Variants in RGL3 observed in about 807,000 individuals in gnomAD.
The protein encoded by RGL3 is ral guanine nucleotide dissociation stimulator like 3.
RGL3 carries 85 observed loss-of-function variants against 90.6 expected under a neutral mutation model. The observed-to-expected ratio is 0.94, with a 90% CI of 0.79 to 1.12. The LOEUF is 1.12. Ranked by LOEUF, RGL3 falls within the 50% of genes most tolerant of loss-of-function variation. The pLI, the probability that RGL3 is intolerant of heterozygous loss-of-function variation, is 0.00. For missense variants in RGL3, 1,034 were observed against 939.2 expected, an observed-to-expected ratio of 1.10 and a Z score of -1.32; for synonymous variants, 408 against 385.5, an observed-to-expected ratio of 1.06 and a Z score of -0.68.
chr19:11,418,184 TC>T lies in RGL3; in HGVS notation c.147+486del, dbSNP rs202101431. Among the ~76,000 whole-genome samples, 507 of 145,496 alleles carry T rather than the reference TC, an allele frequency of 3.5e-3. 6 individuals carry two copies. The highest frequency in any genetic ancestry group is 0.012 in the African/African-American group (459 of 38,972). Reference sequence around the variant, plus strand: ...CAACTTGCCCTGGAAACCCTCCCTCTCCCATGCCCTGTCCCCTACTCCCTCT... The same window carrying T: ...CAACTTGCCCTGGAAACCCTCCCTCTCCATGCCCTGTCCCCTACTCCCTCT... On this transcript the variant is annotated intron_variant, in intron 2 of 18. Transcript: ENST00000380456.
At chr19:11,414,164 T>C (rs55768661) in intron 5 of RGL3, among the ~76,000 whole-genome samples, 1,389 of 111,160 alleles carry the variant, frequency 0.012, 55 homozygotes, top group East Asian at 0.051. Context: ...TATATATATA[T>C]ATATATATAT....
At chr19:11,405,548 G>C (rs1331049282) in intron 7 of RGL3, 122 bp from the exon 8 acceptor site, 11 of 750,020 alleles carry the variant, frequency 1.5e-5, no homozygotes, top group African/African-American at 6.5e-5. Flanking sequence ...TTGAGAGATA[G>C]GGTCTGTGGC....
chr19:11,402,129 A>G lies in RGL3; in HGVS notation c.1366T>C (p.Trp456Arg), dbSNP rs984283385. 3.7e-6 allele frequency: 6 copies of G among 1,607,142 alleles called. No individual in the cohort carries two copies. In the African/African-American group the frequency reaches 8.1e-5, roughly 22 times the overall value. Residue 456 changes from tryptophan (W) to arginine (R), a missense_variant, in exon 13 of 19, where the codon TGG (tryptophan) becomes CGG (arginine). Transcript: ENST00000380456. ...TGCTGGATGCGGGCCAGGATCTCCC[A>G]CTCCTGGAGGACGAGCCTCTAAGAC... ...LINFEKRRKE[W>R]EILARIQQLQ... is the part of the protein sequence containing the mutation.
At chr19:11,402,189 C>G in intron 12 of RGL3, 26 bp downstream of exon 12, 1 of 1,611,862 alleles carries the variant, frequency 6.2e-7, no homozygotes, top group Non-Finnish European at 8.5e-7. Flanking sequence ...TCAGGCACCA[C>G]CACACCCACT....
chr19:11,412,004 G>A (rs1256558766), intron 5 of RGL3, among the ~76,000 whole-genome samples: 1 of 152,070 alleles, frequency 6.6e-6, no homozygotes, highest in Admixed American at 6.6e-5. Context: ...AAAGGGCCGG[G>A]CGCCATGGCT....
At chr19:11,394,811 C>T (rs191468510) in intron 18 of RGL3, 31 of 332,406 alleles carry the variant, frequency 9.3e-5, no homozygotes, top group Middle Eastern at 9.7e-4. Flanking sequence ...GCAAACTGGC[C>T]GGGCGCGATG....
chr19:11,404,504 G>T (rs1968734091), intron 9 of RGL3, among the ~76,000 whole-genome samples: 1 of 152,150 alleles, frequency 6.6e-6, no homozygotes, highest in African/African-American at 2.4e-5. Context: ...TCCAGTCTGG[G>T]TGACAGAGCG....
In RGL3 at chr19:11,416,952, G is replaced by A; in HGVS notation, c.255C>T (p.Asp85=). 5 of 1,614,062 alleles carry A rather than the reference G, an allele frequency of 3.1e-6. No homozygotes were observed. The highest frequency in any genetic ancestry group is 4.2e-6 in the Non-Finnish European group (5 of 1,180,006). The change falls in exon 3 of 19, where the codon GAC becomes GAT. Residue 85 remains aspartate, a synonymous_variant. Coordinates refer to ENST00000380456, the MANE Select transcript of RGL3 (RefSeq NM_001035223.4). The part of the protein sequence containing the change: ...ERLVGELVFG[D]REQDPSFMPA... ...GCATGAAGCTGGGGTCCTGCTCACG[G>A]TCTCCAAACACCAACTCTCCCACCA...
In RGL3 at chr19:11,405,222, T is replaced by C. The variant is rs567610062; in HGVS notation, c.1110A>G (p.Leu370=). 3 of 1,614,034 alleles carry C rather than the reference T, an allele frequency of 1.9e-6. No individual in the cohort carries two copies. The highest frequency in any genetic ancestry group is 1.6e-4 in the Middle Eastern group (1 of 6,062). Reference sequence around the variant, plus strand: ...TCTGCGAAAGTTTCCTGAAAGTAGATAGCGGTTCCCTGGAAGGACAGGAGA... The same window carrying C: ...TCTGCGAAAGTTTCCTGAAAGTAGACAGCGGTTCCCTGGAAGGACAGGAGA... ...RSWGAVSREP[L]STFRKLSQIF... The change falls in exon 9 of 19, where the codon CTA becomes CTG. Residue 370 remains leucine (L), a synonymous_variant. Coordinates refer to ENST00000380456, the MANE Select transcript of RGL3 (RefSeq NM_001035223.4).
chr19:11,403,640 CAA>C (rs889376839), intron 9 of RGL3, among the ~76,000 whole-genome samples: 192 of 49,376 alleles, frequency 3.9e-3, no homozygotes, highest in African/African-American at 0.013. Flanking sequence ...AACTCCATCT[CAA>C]AAAAAAAAAA....
intron 5 of RGL3, among the ~76,000 whole-genome samples, chr19:11,409,520 CAAAA>C (rs1436410350): frequency 6.6e-6 from 1 of 152,014 alleles, no homozygotes; most frequent in Non-Finnish European, 1.5e-5. Context: ...CAAACAAAAA[CAAAA>C]AGAAAAGAAA....
chr19:11,405,491 CATCTTT>C (rs1968760806), intron 7 of RGL3, 65 bp from the exon 8 acceptor site: 7 of 139,992 alleles, frequency 5.0e-5, no homozygotes, highest in Admixed American at 3.7e-4. Context: ...GAAACTTCTT[CATCTTT>C]TTTTTTTTTT....
chr19:11,397,877 C>T (rs570569577), intron 16 of RGL3: 10 of 230,388 alleles, frequency 4.3e-5, no homozygotes, highest in African/African-American at 2.0e-4. Context: ...GGCCTGGTGG[C>T]GCATGCCTGT....
At chr19:11,418,904 G>A in intron 1 of RGL3, 120 bp from the exon 2 acceptor site, 1 of 798,498 alleles carries the variant, frequency 1.3e-6, no homozygotes, top group Non-Finnish European at 1.9e-6. Flanking sequence ...TTCCCGGCCA[G>A]AAGCTGCGAG....
intron 9 of RGL3, 45 bp from the exon 10 acceptor site, chr19:11,402,751 C>A: frequency 1.9e-6 from 3 of 1,549,820 alleles, no homozygotes; most frequent in Non-Finnish European, 2.7e-6. Flanking sequence ...TCTCCTTGGA[C>A]AATTCCTCAG....
At chr19:11,394,627 G>A (rs1842758626) in intron 18 of RGL3, 107 bp from the exon 19 acceptor site, 5 of 793,612 alleles carry the variant, frequency 6.3e-6, no homozygotes, top group African/African-American at 1.7e-5. Flanking sequence ...AACAGCCATG[G>A]GTCCCTCTGC....
intron 5 of RGL3, among the ~76,000 whole-genome samples, chr19:11,415,337 G>A (rs534908679): frequency 2.1e-4 from 32 of 151,876 alleles, no homozygotes; most frequent in Non-Finnish European, 3.8e-4. Flanking sequence ...CCTGAGCAAC[G>A]GAGCAAGACC....
rs1437985221 is a variant in RGL3 at position 11,406,861 on chromosome 19, G to A, written c.641C>T (p.Pro214Leu). The change falls in exon 6 of 19, where the codon CCT becomes CTT. Residue 214 changes from proline to leucine, a missense_variant. Transcript: ENST00000380456. ...EEEPPQVWTG[P>L]PRVAQTSDPD... ...GTCAGAAGTTTGGGCAACTCTGGGAGGTCCTGATCATTAGAAAGGGTTACA... is the reference window on the plus strand; with the variant it reads ...GTCAGAAGTTTGGGCAACTCTGGGAAGTCCTGATCATTAGAAAGGGTTACA... 1 of 1,605,260 alleles carries A rather than the reference G, an allele frequency of 6.2e-7. No individual in the cohort carries two copies. The highest frequency in any genetic ancestry group is 8.5e-7 in the Non-Finnish European group (1 of 1,174,064).
intron 7 of RGL3, among the ~76,000 whole-genome samples, chr19:11,405,989 G>T (rs907527723): frequency 1.3e-5 from 2 of 151,144 alleles, no homozygotes; most frequent in Non-Finnish European, 2.9e-5. Context: ...TCCCCAAAGT[G>T]CTGGGATTAC....
Sources: gnomAD v4.1 joint callset for allele counts (sites outside exome capture counted in the v4.1 genomes callset) on GRCh38, gnomAD v4.1.1 for gene constraint, MANE v1.5 for transcripts, NCBI Gene and HGNC (gene_info 2026-07-23, HGNC 2026-07-21) for gene names.